CHD1L: variants seen among roughly 807,000 people sequenced by gnomAD.
CHD1L encodes ATP-dependent chromatin remodeler CHD1L.
In CHD1L, 118 loss-of-function variants were observed where a neutral mutation model predicts 115.9. That is an observed-to-expected ratio of 1.02 (90% CI 0.88 to 1.19). CHD1L has a LOEUF of 1.19. CHD1L is among the 50% of genes most tolerant of loss of function. CHD1L has a pLI of 0.00. For missense variants in CHD1L, 1,179 were observed against 1,065.3 expected (o/e 1.11, Z -1.49); for synonymous variants, 411 against 387.1 (o/e 1.06, Z -0.72).
chr1:147,207,081 T>C, the CHD1L span, among the ~76,000 whole-genome samples: 6 of 152,136 alleles, frequency 3.9e-5, no homozygotes, highest in Non-Finnish European at 8.8e-5. Context: ...ATATTGCCAA[T>C]GTATTAATGT....
At chr1:147,264,230 A>T (rs1192443587) in intron 6 of CHD1L, among the ~76,000 whole-genome samples, 192 bp from the exon 7 acceptor site, 1 of 152,144 alleles carries the variant, frequency 6.6e-6, no homozygotes, top group Admixed American at 6.5e-5. Flanking sequence ...TTATAGTTGA[A>T]ACTGAAGAGG....
At chr1:147,190,050 C>T in the CHD1L span, 4 of 599,104 alleles carry the variant, frequency 6.7e-6, no homozygotes, top group Non-Finnish European at 1.1e-5. Flanking sequence ...AATTATTTTT[C>T]CTTTTTTCTT....
At chr1:147,180,741 A>G in the CHD1L span, among the ~76,000 whole-genome samples, 1 of 152,364 alleles carries the variant, frequency 6.6e-6, no homozygotes, top group Admixed American at 6.5e-5. Context: ...ATAGAGTACA[A>G]TAAAGGCCTA....
chr1:147,271,156 A>G, intron 11 of CHD1L, 151 bp downstream of exon 11: 1 of 632,696 alleles, frequency 1.6e-6, no homozygotes, highest in East Asian at 2.9e-5. Context: ...AGGCGAGAGG[A>G]GAGTGATGTG....
At chr1:147,243,064 C>A in intron 1 of CHD1L, 1 of 380,294 alleles carries the variant, frequency 2.6e-6, no homozygotes. Context: ...GTCGCGGGCC[C>A]GGTAGCCAGG....
the CHD1L span, among the ~76,000 whole-genome samples, chr1:147,193,697 G>C: frequency 6.6e-6 from 1 of 152,100 alleles, no homozygotes; most frequent in Non-Finnish European, 1.5e-5. Context: ...AGAGATTCTG[G>C]TATGTTGTGT....
intron 14 of CHD1L, 106 bp from the exon 15 acceptor site, chr1:147,279,920 A>T: frequency 8.7e-7 from 1 of 1,143,400 alleles, no homozygotes; most frequent in South Asian, 1.4e-5. Context: ...CCTGTTCATT[A>T]GAGAAGGACT....
intron 1 of CHD1L, among the ~76,000 whole-genome samples, chr1:147,243,904 G>A (rs1003430907): frequency 1.3e-5 from 2 of 152,176 alleles, no homozygotes; most frequent in Admixed American, 1.3e-4. Flanking sequence ...GAAACAAAAG[G>A]TGCAATTCTG....
chr1:147,186,976 G>A, the CHD1L span: 1 of 1,614,070 alleles, frequency 6.2e-7, no homozygotes, highest in African/African-American at 1.3e-5. Flanking sequence ...TGAAGTCATA[G>A]AACTACTCCT....
intron 19 of CHD1L, 75 bp downstream of exon 19, chr1:147,287,808 G>A (rs1310468472): frequency 3.3e-6 from 4 of 1,200,082 alleles, no homozygotes; most frequent in Non-Finnish European, 4.8e-6. Flanking sequence ...TATCGTGAGG[G>A]TTACACAGCA....
At chr1:147,233,655 G>T in the CHD1L span, among the ~76,000 whole-genome samples, 1 of 152,204 alleles carries the variant, frequency 6.6e-6, no homozygotes. Context: ...AATAGAAAGG[G>T]GGGAAAGGTG....
Position 147,255,995 on chromosome 1 carries a change from A to T in CHD1L, c.462+68A>T. On this transcript the variant is annotated intron_variant, in intron 4 of 22. Transcript: ENST00000369258. ...CCTTAGAAGTTGTAGAGTCTGCTGAAATTATATTTAAGTTTTGTTGAGAGC... is the reference window on the plus strand; with the variant it reads ...CCTTAGAAGTTGTAGAGTCTGCTGATATTATATTTAAGTTTTGTTGAGAGC... The T allele has an allele frequency of 2.1e-5, 23 of 1,082,902 alleles. 1 individual carries two copies. In the South Asian group the frequency reaches 3.7e-4, roughly 17 times the overall value. 67.1% of individuals were successfully genotyped at this position (1,082,902 alleles called of 1,614,324 possible).
the CHD1L span, among the ~76,000 whole-genome samples, chr1:147,196,490 G>GA: frequency 7.1e-3 from 1,074 of 150,658 alleles, 7 homozygotes; most frequent in Non-Finnish European, 0.012. Context: ...ATAAAAGAAA[G>GA]AAAAAAACAA....
chr1:147,207,767 G>A, the CHD1L span, among the ~76,000 whole-genome samples: 6 of 152,244 alleles, frequency 3.9e-5, no homozygotes, highest in East Asian at 1.2e-3. Flanking sequence ...TTGTTTAATA[G>A]TATGTACTTA....
the CHD1L span, chr1:147,209,935 C>T: frequency 6.6e-6 from 1 of 152,228 alleles, no homozygotes; most frequent in Non-Finnish European, 1.5e-5. Context: ...ACTTTCTACA[C>T]TCCTAATTTC....
At chr1:147,263,193 C>A (rs909470205) in intron 6 of CHD1L, among the ~76,000 whole-genome samples, 1 of 151,722 alleles carries the variant, frequency 6.6e-6, no homozygotes, top group South Asian at 2.1e-4. Context: ...TTTGGGAGGC[C>A]GAGGCAGGAA....
At position 147,255,795 on chromosome 1, in the gene CHD1L, T is replaced by C; in HGVS notation, c.348-18T>C. The C allele has an allele frequency of 6.4e-7, 1 of 1,565,570 alleles. No individual in the cohort carries two copies. The highest frequency in any genetic ancestry group is 8.8e-7 in the Non-Finnish European group (1 of 1,142,124). On this transcript the variant is annotated intron_variant, in intron 3 of 22. Transcript: ENST00000369258. ...GGATCTAGTATTTATGTTTATCTAC[T>C]TCTTTTCTTGGATTCAGATTTGCTC...
At chr1:147,272,361 T>C in intron 12 of CHD1L, 80 bp downstream of exon 12, 1 of 978,010 alleles carries the variant, frequency 1.0e-6, no homozygotes, top group Non-Finnish European at 1.6e-6. Context: ...TAGTACACTT[T>C]TTTCCTTAAT....
the CHD1L span, among the ~76,000 whole-genome samples, chr1:147,236,734 G>C: frequency 2.6e-5 from 4 of 152,188 alleles, no homozygotes; most frequent in Non-Finnish European, 5.9e-5. Flanking sequence ...CCCTGGGGTG[G>C]GTAGCTCCTC....
Sources: allele counts gnomAD v4.1 joint callset (sites outside exome capture counted in the v4.1 genomes callset), GRCh38; gene constraint gnomAD v4.1.1; transcripts MANE v1.5; gene names NCBI Gene and HGNC (gene_info 2026-07-23, HGNC 2026-07-21).